Variants in CDH12 observed in about 807,000 individuals in gnomAD.
CDH12 encodes the protein cadherin-12.
A neutral mutation model predicts 74.1 loss-of-function variants in CDH12; 41 were observed. The ratio of observed to expected loss-of-function variants is 0.55; its 90% CI spans 0.43 to 0.72. The LOEUF is 0.72. Ranked by LOEUF, CDH12 falls within the 30% of genes least tolerant of loss-of-function variation. CDH12 has a pLI of 0.00. For synonymous variants in CDH12, 399 were observed against 355.0 expected, an observed-to-expected ratio of 1.12 and a Z score of -1.39; for missense variants, 945 against 977.2, an observed-to-expected ratio of 0.97 and a Z score of 0.44.
chr5:22,316,246 G>A (rs1426652087), intron 3 of CDH12, among the ~76,000 whole-genome samples: 2 of 143,764 alleles, frequency 1.4e-5, no homozygotes, highest in African/African-American at 2.6e-5. Flanking sequence ...TTTTGGTTTT[G>A]TATTATGCTA....
chr5:22,170,646 A>G (rs1248598094), intron 4 of CDH12, among the ~76,000 whole-genome samples: 1 of 151,460 alleles, frequency 6.6e-6, no homozygotes, highest in African/African-American at 2.4e-5. Flanking sequence ...TCCTCTAATT[A>G]TCATTCTTCC....
intron 1 of CDH12, among the ~76,000 whole-genome samples, chr5:22,823,056 A>G (rs1749794821): frequency 6.6e-6 from 1 of 152,182 alleles, no homozygotes; most frequent in Non-Finnish European, 1.5e-5. Flanking sequence ...TGCAGCCATA[A>G]AAAATGAAGA....
At chr5:22,773,279 C>T (rs1162721901) in intron 1 of CDH12, among the ~76,000 whole-genome samples, 1 of 152,030 alleles carries the variant, frequency 6.6e-6, no homozygotes, top group Non-Finnish European at 1.5e-5. Context: ...GTAACCAAAA[C>T]AGCACGGTAC....
At chr5:21,931,030 T>C (rs1361660870) in intron 6 of CDH12, among the ~76,000 whole-genome samples, 2 of 152,170 alleles carry the variant, frequency 1.3e-5, no homozygotes, top group Non-Finnish European at 2.9e-5. Context: ...TTTATGTGTA[T>C]AAAGTGCTCT....
intron 6 of CDH12, among the ~76,000 whole-genome samples, chr5:21,953,568 T>A (rs1307074402): frequency 1.3e-5 from 2 of 152,194 alleles, no homozygotes; most frequent in African/African-American, 4.8e-5. Context: ...CAGGTATGAC[T>A]GGTGCTAGAA....
intron 1 of CDH12, among the ~76,000 whole-genome samples, chr5:22,676,531 T>A (rs1741198798): frequency 6.6e-6 from 1 of 152,208 alleles, no homozygotes; most frequent in Non-Finnish European, 1.5e-5. Context: ...AAAGAACATC[T>A]TATTGAATGA....
At chr5:22,532,075 G>T (rs1416530679) in intron 1 of CDH12, among the ~76,000 whole-genome samples, 1 of 151,870 alleles carries the variant, frequency 6.6e-6, no homozygotes, top group East Asian at 1.9e-4. Flanking sequence ...ACATGGAGCT[G>T]CATAAGAATA....
chr5:22,639,279 A>G (rs937794024), intron 1 of CDH12, among the ~76,000 whole-genome samples: 1 of 151,950 alleles, frequency 6.6e-6, no homozygotes, highest in African/African-American at 2.4e-5. Flanking sequence ...CGGAGCAGAG[A>G]GGAGTGCAAG....
rs1561361827 is a variant in CDH12, at chr5:22,383,353, C to CA, written c.-333+21903dup. Among the ~76,000 whole-genome samples the CA allele has an allele frequency of 5.9e-5, 9 of 152,108 alleles. No homozygotes were observed. In the South Asian group the frequency reaches 1.2e-3, roughly 21 times the overall value. On this transcript the variant is annotated intron_variant, in intron 3 of 14. Coordinates refer to ENST00000382254, the MANE Select transcript of CDH12 (RefSeq NM_004061.5). ...GGCTACATAGAATAAGATATACACA[C>CA]AAAAATCCAAAATGACTTAGAAAAG...
At chr5:22,373,022 C>A (rs1283402429) in intron 3 of CDH12, among the ~76,000 whole-genome samples, 4 of 152,174 alleles carry the variant, frequency 2.6e-5, no homozygotes, top group Non-Finnish European at 5.9e-5. Context: ...CCACTGCCCC[C>A]ACCTAAGCTT....
intron 2 of CDH12, among the ~76,000 whole-genome samples, chr5:22,438,206 T>C (rs976249825): frequency 2.6e-5 from 4 of 152,052 alleles, no homozygotes; most frequent in East Asian, 1.9e-4. Context: ...TAGGCTTGCA[T>C]TGGACTTTGT....
At chr5:22,821,804 G>T (rs1344978537) in intron 1 of CDH12, among the ~76,000 whole-genome samples, 1 of 151,130 alleles carries the variant, frequency 6.6e-6, no homozygotes, top group African/African-American at 2.4e-5. Flanking sequence ...TGGCCATACT[G>T]CCCAAGGTAA....
chr5:21,911,570 G>A (rs1179041004), intron 6 of CDH12, among the ~76,000 whole-genome samples: 1 of 151,922 alleles, frequency 6.6e-6, no homozygotes, highest in Non-Finnish European at 1.5e-5. Context: ...GTCATATATA[G>A]CTTATATTCT....
At chr5:22,027,048 C>T (rs1205648875) in intron 5 of CDH12, among the ~76,000 whole-genome samples, 1 of 152,042 alleles carries the variant, frequency 6.6e-6, no homozygotes, top group African/African-American at 2.4e-5. Context: ...TGTCAAAGGC[C>T]TTTTCTGCAT....
intron 1 of CDH12, among the ~76,000 whole-genome samples, chr5:22,566,294 G>A (rs368471278): frequency 6.7e-6 from 1 of 150,046 alleles, no homozygotes; most frequent in East Asian, 2.0e-4. Context: ...CTGGAGTGCA[G>A]TGGCACAATC....
intron 4 of CDH12, among the ~76,000 whole-genome samples, chr5:22,185,510 G>C (rs995411358): frequency 6.6e-6 from 1 of 152,160 alleles, no homozygotes; most frequent in African/African-American, 2.4e-5. Context: ...AAATTGGTTG[G>C]GAGAAATAGA....
At chr5:21,973,623 G>A (rs186643003) in intron 6 of CDH12, among the ~76,000 whole-genome samples, 3 of 152,186 alleles carry the variant, frequency 2.0e-5, no homozygotes, top group Admixed American at 2.0e-4. Flanking sequence ...AGCTGTTTTG[G>A]TACTAAAAAG....
intron 14 of CDH12, 145 bp downstream of exon 14, chr5:21,755,444 CAT>C (rs1469137425): frequency 6.2e-6 from 4 of 642,460 alleles, no homozygotes; most frequent in Non-Finnish European, 1.1e-5. Flanking sequence ...ATTCAATACA[CAT>C]AGATTATCTT....
chr5:22,229,370 ATG>A, intron 3 of CDH12, among the ~76,000 whole-genome samples: 2 of 150,250 alleles, frequency 1.3e-5, no homozygotes, highest in East Asian at 2.0e-4. Context: ...CAAAAAAAAA[ATG>A]ACTAGACATT....
Sources: gnomAD v4.1 joint callset for allele counts (sites outside exome capture counted in the v4.1 genomes callset) on GRCh38, gnomAD v4.1.1 for gene constraint, MANE v1.5 for transcripts, NCBI Gene and HGNC (gene_info 2026-07-23, HGNC 2026-07-21) for gene names.